Variants in RGS3 observed in about 807,000 individuals in gnomAD.
RGS3 encodes regulator of G-protein signalling 3.
A neutral mutation model predicts 132.6 loss-of-function variants in RGS3; 80 were observed. The observed-to-expected ratio is 0.60, with a 90% CI of 0.50 to 0.73. RGS3 has a LOEUF of 0.73. RGS3 is among the 30% of genes least tolerant of loss of function. RGS3 has a pLI of 0.00. For synonymous variants in RGS3, 598 were observed against 620.6 expected, an observed-to-expected ratio of 0.96 and a Z score of 0.54; for missense variants, 1,382 against 1,530.8, an observed-to-expected ratio of 0.90 and a Z score of 1.62.
intron 1 of RGS3, among the ~76,000 whole-genome samples, chr9:113,449,999 C>T (rs1254767189): frequency 6.6e-6 from 1 of 151,944 alleles, no homozygotes; most frequent in Non-Finnish European, 1.5e-5. Context: ...CCCACCTCGG[C>T]CTCCCAAAGT....
At chr9:113,450,123 G>T (rs1226917139) in intron 1 of RGS3, among the ~76,000 whole-genome samples, 1 of 151,270 alleles carries the variant, frequency 6.6e-6, no homozygotes, top group Non-Finnish European at 1.5e-5. Flanking sequence ...AGGCTGGAGT[G>T]CAGTGCCGTG....
Position 113,463,663 on chromosome 9 carries a change from GGC to G in RGS3, c.415+1467_415+1468del. On this transcript the variant is annotated intron_variant, in intron 3 of 24. Coordinates refer to ENST00000350696, the Ensembl canonical transcript of RGS3. The surrounding 1 kb of genome is among the most constrained non-coding windows in gnomAD (Gnocchi z 4.6). The stretch of plus-strand genomic sequence containing the variant: ...AACCCGCGCGGGCCAATCAGGGCCG[GGC>G]GCGCCCTGGCCGTTCCAACGCTTGG... 1 of 1,391,598 alleles carries G rather than the reference GGC, an allele frequency of 7.2e-7. No homozygotes were observed. The highest frequency in any genetic ancestry group is 1.6e-5 in the South Asian group (1 of 63,308). The allele number at this position is 1,391,598 out of a possible 1,614,324, so 86.2% of individuals were successfully genotyped here. A position where few individuals can be genotyped will look rare whatever the true frequency, so the allele number is the denominator to read the frequency against.
Position 113,507,237 on chromosome 9 carries a change from T to C in RGS3, c.1086-50T>C. ...CCCTGTGGGCCCTCACTCTGGCTGA[T>C]ACTGGCTTTCCCCAGGCTCAACCTG... On this transcript the variant is annotated intron_variant, in intron 12 of 24. Coordinates refer to ENST00000350696, the Ensembl canonical transcript of RGS3. This position sits in a 1 kb window ranked among gnomAD's most constrained non-coding sequence, Gnocchi z 5.0. 6.7e-7 allele frequency: 1 copy of C among 1,483,458 alleles called. No homozygotes were observed. The highest frequency in any genetic ancestry group is 9.2e-7 in the Non-Finnish European group (1 of 1,087,982). The allele number at this position is 1,483,458 out of a possible 1,614,324, so 91.9% of individuals were successfully genotyped here. A position where few individuals can be genotyped will look rare whatever the true frequency, so the allele number is the denominator to read the frequency against.
intron 24 of RGS3, among the ~76,000 whole-genome samples, chr9:113,596,488 T>G (rs980017496): frequency 6.6e-6 from 1 of 152,170 alleles, no homozygotes; most frequent in African/African-American, 2.4e-5. Context: ...GTAATTTGCT[T>G]CAAGTCACAC....
intron 3 of RGS3, among the ~76,000 whole-genome samples, chr9:113,478,052 G>T (rs1830048278): frequency 6.6e-6 from 1 of 152,170 alleles, no homozygotes; most frequent in African/African-American, 2.4e-5. Context: ...AGGCCATTGG[G>T]TATCTGTGAG....
At chr9:113,451,889 A>G (rs988777602) in intron 1 of RGS3, among the ~76,000 whole-genome samples, 1 of 152,154 alleles carries the variant, frequency 6.6e-6, no homozygotes, top group Non-Finnish European at 1.5e-5. Context: ...ATGTTTGCAG[A>G]TGATGAATTC....
At chr9:113,587,987 G>A (rs778206526) in intron 20 of RGS3, among the ~76,000 whole-genome samples, 3 of 152,210 alleles carry the variant, frequency 2.0e-5, no homozygotes, top group Non-Finnish European at 2.9e-5. Context: ...AGGAAGCCCC[G>A]GAGAATAATT....
Position 113,463,636 on chromosome 9 carries a change from C to A in RGS3, c.415+1435C>A. ...TCCGGCAGGTGGAACTCTCCCCATT[C>A]AAACCCGCGCGGGCCAATCAGGGCC... On this transcript the variant is annotated intron_variant, in intron 3 of 24. Coordinates refer to ENST00000350696, the Ensembl canonical transcript of RGS3. The surrounding 1 kb of genome is among the most constrained non-coding windows in gnomAD (Gnocchi z 4.6). 2 of 1,305,004 alleles carry A rather than the reference C, an allele frequency of 1.5e-6. No individual in the cohort carries two copies. The highest frequency in any genetic ancestry group is 2.0e-6 in the Non-Finnish European group (2 of 1,014,770). 80.8% of individuals were successfully genotyped at this position (1,305,004 alleles called of 1,614,324 possible).
At position 113,581,963 on chromosome 9, in the gene RGS3, G is replaced by T. The variant is rs147618167; in HGVS notation, c.2038-1487G>T. On this transcript the variant is annotated intron_variant, in intron 19 of 24. Transcript: ENST00000350696. ...AGTCCTCCAAGGCCTCCCCTCCCTT[G>T]CCCAGCCACCTTCTCTGCTCTGCAG... 185 of 942,904 alleles carry T rather than the reference G, an allele frequency of 2.0e-4. 1 individual carries two copies. In the African/African-American group the frequency reaches 2.8e-3, roughly 14 times the overall value. 58.4% of individuals were successfully genotyped at this position (942,904 alleles called of 1,614,324 possible). A position where few individuals can be genotyped will look rare whatever the true frequency, so the allele number is the denominator to read the frequency against.
At chr9:113,542,672 G>C (rs10981817) in intron 19 of RGS3, among the ~76,000 whole-genome samples, 2 of 152,098 alleles carry the variant, frequency 1.3e-5, no homozygotes, top group Admixed American at 6.5e-5. Context: ...GCCAGGCCTC[G>C]TGGGGGATAG....
intron 10 of RGS3, among the ~76,000 whole-genome samples, chr9:113,499,413 G>A (rs904673173): frequency 9.9e-5 from 15 of 152,198 alleles, no homozygotes; most frequent in Non-Finnish European, 2.1e-4. Flanking sequence ...GCTGGCAGGT[G>A]GTGAAGGCAG....
At chr9:113,593,779 G>T in intron 21 of RGS3, 1 of 784,584 alleles carries the variant, frequency 1.3e-6, no homozygotes, top group Non-Finnish European at 2.1e-6. Context: ...CTTGGGGACC[G>T]GCAAGGCTAA....
At chr9:113,528,215 C>T (rs148948945) in intron 17 of RGS3, among the ~76,000 whole-genome samples, 6 of 152,280 alleles carry the variant, frequency 3.9e-5, no homozygotes, top group Non-Finnish European at 8.8e-5. Flanking sequence ...GGTTGCTTCC[C>T]TCAACAATGA....
intron 9 of RGS3, 113 bp downstream of exon 7, chr9:113,497,517 A>G: frequency 1.1e-6 from 1 of 875,330 alleles, no homozygotes; most frequent in Non-Finnish European, 1.8e-6. Context: ...GAATGCTATC[A>G]GCCTGCTGGG....
Position 113,507,401 on chromosome 9 carries a change from G to C in RGS3, c.1200G>C (p.Gln400His). Residue 400 changes from glutamine (Q) to histidine (H), a missense_variant, in exon 13 of 25, where the codon CAG becomes CAC. Transcript: ENST00000350696. This position sits in a 1 kb window ranked among gnomAD's most constrained non-coding sequence, Gnocchi z 5.0. ...CCTGCAAGTCGACACATGACCTCCA[G>C]TCACCCCCCAACAAACGGGAGAAGA... 6.2e-7 allele frequency: 1 copy of C among 1,613,874 alleles called. No individual in the cohort carries two copies. The highest frequency in any genetic ancestry group is 8.5e-7 in the Non-Finnish European group (1 of 1,180,030).
chr9:113,446,645 T>A (rs1027375326), intron 1 of RGS3, among the ~76,000 whole-genome samples: 6 of 152,190 alleles, frequency 3.9e-5, no homozygotes, highest in African/African-American at 1.4e-4. Context: ...GAGAGAAGGG[T>A]CTGTGCCTAT....
At chr9:113,539,862 G>A (rs1488675242) in intron 19 of RGS3, among the ~76,000 whole-genome samples, 1 of 152,212 alleles carries the variant, frequency 6.6e-6, no homozygotes, top group African/African-American at 2.4e-5. Context: ...GGAGTCAGGG[G>A]AAGATGGACT....
chr9:113,571,573 T>C (rs1834291340), intron 19 of RGS3, among the ~76,000 whole-genome samples: 1 of 152,226 alleles, frequency 6.6e-6, no homozygotes, highest in Non-Finnish European at 1.5e-5. Context: ...GATTTTTTTT[T>C]CTGATTAACT....
chr9:113,500,687 CTTTTT>C (rs56957630), intron 10 of RGS3, among the ~76,000 whole-genome samples: 1 of 136,054 alleles, frequency 7.4e-6, no homozygotes, highest in Non-Finnish European at 1.6e-5. Context: ...AATAAATTGA[CTTTTT>C]TTTTTTTTTT....
Sources: gnomAD v4.1 joint callset for allele counts (sites outside exome capture counted in the v4.1 genomes callset) on GRCh38, gnomAD v4.1.1 for gene constraint, Gnocchi (gnomAD v3.1) non-coding constraint, MANE v1.5 for transcripts, NCBI Gene and HGNC (gene_info 2026-07-23, HGNC 2026-07-21) for gene names.